Variants in RAD51B observed in about 807,000 individuals in gnomAD.
The protein encoded by RAD51B is DNA repair protein RAD51 homolog 2.
A neutral mutation model predicts 42.2 loss-of-function variants in RAD51B; 38 were observed. That is an observed-to-expected ratio of 0.90 (90% CI 0.70 to 1.18). RAD51B has a LOEUF of 1.18. Ranked by LOEUF, RAD51B falls within the 50% of genes most tolerant of loss-of-function variation. RAD51B has a pLI of 0.00. For missense variants in RAD51B, 373 were observed against 400.7 expected (o/e 0.93, Z 0.59); for synonymous variants, 154 against 145.2 (o/e 1.06, Z -0.43).
At chr14:68,466,468 A>T (rs759068277) in intron 9 of RAD51B, among the ~76,000 whole-genome samples, 1 of 152,222 alleles carries the variant, frequency 6.6e-6, no homozygotes. Context: ...AGCATCAAAG[A>T]TGTCAAAATA....
chr14:68,096,603 G>C (rs2077199768), intron 7 of RAD51B, among the ~76,000 whole-genome samples: 1 of 152,164 alleles, frequency 6.6e-6, no homozygotes, highest in Admixed American at 6.5e-5. Flanking sequence ...AGCCCACCTA[G>C]TACACCACAT....
At chr14:68,189,104 T>C (rs1002151204) in intron 7 of RAD51B, among the ~76,000 whole-genome samples, 4 of 151,998 alleles carry the variant, frequency 2.6e-5, no homozygotes, top group African/African-American at 9.7e-5. Context: ...TATTGCTGCA[T>C]ATGTATTATA....
intron 10 of RAD51B, among the ~76,000 whole-genome samples, chr14:68,485,486 G>C (rs1883551362): frequency 6.6e-6 from 1 of 152,062 alleles, no homozygotes; most frequent in African/African-American, 2.4e-5. Context: ...CCCACCATGG[G>C]ACCCAGCTAC....
At chr14:67,828,853 T>G (rs1451128041) in intron 3 of RAD51B, among the ~76,000 whole-genome samples, 1 of 152,240 alleles carries the variant, frequency 6.6e-6, no homozygotes, top group Non-Finnish European at 1.5e-5. Flanking sequence ...GTGTCTGTTT[T>G]TGTATCAGTA....
intron 10 of RAD51B, among the ~76,000 whole-genome samples, chr14:68,619,954 C>T (rs1247274833): frequency 1.3e-5 from 2 of 152,134 alleles, no homozygotes; most frequent in Admixed American, 6.5e-5. Flanking sequence ...TCACTTGATC[C>T]TTGCCCCAAA....
intron 9 of RAD51B, among the ~76,000 whole-genome samples, chr14:68,461,375 T>C (rs1368756796): frequency 6.6e-6 from 1 of 150,408 alleles, no homozygotes; most frequent in Non-Finnish European, 1.5e-5. Context: ...TGCTGTTATG[T>C]ATCCTGCCTC....
intron 8 of RAD51B, among the ~76,000 whole-genome samples, chr14:68,338,159 A>G (rs2082495931): frequency 2.0e-5 from 3 of 152,132 alleles, no homozygotes; most frequent in Non-Finnish European, 4.4e-5. Flanking sequence ...AATTTGTCAT[A>G]AGGAATCACG....
At chr14:68,283,405 T>C (rs946724504) in intron 7 of RAD51B, among the ~76,000 whole-genome samples, 3 of 152,196 alleles carry the variant, frequency 2.0e-5, no homozygotes, top group Admixed American at 6.5e-5. Context: ...TCCACATCCA[T>C]GTGAACCTCA....
intron 10 of RAD51B, among the ~76,000 whole-genome samples, chr14:68,503,641 G>A (rs1308653203): frequency 6.6e-6 from 1 of 152,228 alleles, no homozygotes; most frequent in Non-Finnish European, 1.5e-5. Flanking sequence ...CCCTCAGGCA[G>A]CCTGGCTCCA....
chr14:68,237,718 G>A (rs1408063179), intron 7 of RAD51B, among the ~76,000 whole-genome samples: 2 of 145,994 alleles, frequency 1.4e-5, no homozygotes, highest in Non-Finnish European at 3.0e-5. Context: ...ACATGGACAT[G>A]TGTTTTCATT....
At chr14:68,525,002 G>A (rs1267899778) in intron 10 of RAD51B, among the ~76,000 whole-genome samples, 1 of 151,902 alleles carries the variant, frequency 6.6e-6, no homozygotes, top group Admixed American at 6.6e-5. Flanking sequence ...CTGTGCATAT[G>A]TTACATGGTG....
chr14:67,965,087 T>G (rs1171490740), intron 7 of RAD51B, among the ~76,000 whole-genome samples: 1 of 152,120 alleles, frequency 6.6e-6, no homozygotes, highest in African/African-American at 2.4e-5. Flanking sequence ...TCCTTATCCT[T>G]TTGGAGCTCA....
chr14:68,652,987 C>T (rs1163118283), intron 11 of RAD51B, among the ~76,000 whole-genome samples: 2 of 152,364 alleles, frequency 1.3e-5, no homozygotes, highest in East Asian at 3.9e-4. Context: ...TTGAGGTCCA[C>T]TCTGATAATA....
downstream of RAD51B, among the ~76,000 whole-genome samples, chr14:68,615,104 C>T (rs1052079558): frequency 6.6e-6 from 1 of 152,182 alleles, no homozygotes; most frequent in African/African-American, 2.4e-5. Flanking sequence ...ATCTCTTGAC[C>T]TTGTGATCCA....
chr14:67,874,422 A>AT (rs35854324), intron 5 of RAD51B, among the ~76,000 whole-genome samples: 56,892 of 149,176 alleles, frequency 0.38, 11,297 homozygotes, highest in Middle Eastern at 0.49. Context: ...TTTTTTTGTG[A>AT]TTTTTTTTTT....
intron 7 of RAD51B, among the ~76,000 whole-genome samples, chr14:68,045,979 A>G (rs924280078): frequency 4.6e-5 from 7 of 152,242 alleles, no homozygotes; most frequent in South Asian, 2.1e-4. Context: ...AGCAACAGCA[A>G]CAGCAGCAGC....
At chr14:68,277,102 A>G (rs751764050) in intron 7 of RAD51B, among the ~76,000 whole-genome samples, 3 of 152,150 alleles carry the variant, frequency 2.0e-5, no homozygotes, top group Non-Finnish European at 2.9e-5. Flanking sequence ...AGTCCCAGGT[A>G]TGGGTTTCTC....
At chr14:68,338,664 TTTTTGAAGGAAA>T (rs1380211536) in intron 8 of RAD51B, 39 of 290,708 alleles carry the variant, frequency 1.3e-4, no homozygotes, top group African/African-American at 8.3e-4. Context: ...TTTTTTTTCT[TTTTTGAAGGAAA>T]TTTTGTATTA....
intron 7 of RAD51B, among the ~76,000 whole-genome samples, chr14:68,233,375 C>G (rs1265592180): frequency 6.6e-6 from 1 of 152,156 alleles, no homozygotes; most frequent in Non-Finnish European, 1.5e-5. Context: ...ATTATTTTGT[C>G]TGGCTAATAC....
Sources: allele counts gnomAD v4.1 joint callset (sites outside exome capture counted in the v4.1 genomes callset), GRCh38; gene constraint gnomAD v4.1.1; transcripts MANE v1.5; gene names NCBI Gene and HGNC (gene_info 2026-07-23, HGNC 2026-07-21).